TRAPPC9: variants seen among roughly 807,000 people sequenced by gnomAD.
TRAPPC9 encodes trafficking protein particle complex subunit 9.
A neutral mutation model predicts 124.0 loss-of-function variants in TRAPPC9; 83 were observed. The ratio of observed to expected loss-of-function variants is 0.67; its 90% CI spans 0.56 to 0.80. The LOEUF (loss-of-function observed/expected upper bound fraction) is 0.80, where lower values mean the gene tolerates loss of function less well. Ranked by LOEUF, TRAPPC9 falls within the 30% of genes least tolerant of loss-of-function variation. The pLI is 0.00. For synonymous variants in TRAPPC9, 638 were observed against 617.5 expected (o/e 1.03, Z -0.49); for missense variants, 1,302 against 1,508.3 (o/e 0.86, Z 2.27).
At chr8:140,061,296 C>T (rs929918023) in intron 17 of TRAPPC9, among the ~76,000 whole-genome samples, 1 of 49,568 alleles carries the variant, frequency 2.0e-5, no homozygotes, top group African/African-American at 4.0e-5. Flanking sequence ...CAAGGCTGCC[C>T]GGCAGCCTGT....
At chr8:140,102,076 G>A (rs1409082342) in intron 17 of TRAPPC9, among the ~76,000 whole-genome samples, 1 of 152,088 alleles carries the variant, frequency 6.6e-6, no homozygotes, top group Non-Finnish European at 1.5e-5. Context: ...ATGCTGTTTT[G>A]TTGGTTTGTA....
rs779559546 is a variant in TRAPPC9 at position 140,405,550 on chromosome 8, A to C, written c.1008+27T>G. ...TCTGATTAAACAACACAACTGTGTA[A>C]AAAAAATCACAAAGCCATAAAATCA... On this transcript the variant is annotated intron_variant, in intron 6 of 22. Transcript: ENST00000438773. 2.5e-6 allele frequency: 4 copies of C among 1,613,422 alleles called. No homozygotes were observed. In the African/African-American group the frequency reaches 5.3e-5, roughly 22 times the overall value.
chr8:139,922,609 C>T (rs557815287), intron 19 of TRAPPC9, among the ~76,000 whole-genome samples: 116 of 152,364 alleles, frequency 7.6e-4, no homozygotes, highest in African/African-American at 2.7e-3. Flanking sequence ...ACAGGCATGG[C>T]TGGCAGTGAG....
chr8:139,932,557 G>A (rs1465953317), intron 19 of TRAPPC9: 1 of 454,870 alleles, frequency 2.2e-6, no homozygotes, highest in Admixed American at 2.3e-5. Context: ...GAGCTCAGGA[G>A]TTCGAGACCA....
chr8:140,024,113 C>G, intron 17 of TRAPPC9, 34 bp from the exon 18 acceptor site: 2 of 1,608,276 alleles, frequency 1.2e-6, no homozygotes, highest in Non-Finnish European at 1.7e-6. Flanking sequence ...TACACACACA[C>G]ACATTAGTAA....
chr8:140,109,906 A>C lies in TRAPPC9; in HGVS notation c.2557-85827T>G, dbSNP rs145611770. Among the ~76,000 whole-genome samples the C allele has an allele frequency of 1.1e-4, 17 of 152,282 alleles. No individual in the cohort carries two copies. In the East Asian group the frequency reaches 3.1e-3, roughly 28 times the overall value. Reference sequence around the variant, plus strand: ...CAGAGGCTGGGGAGACTGGGCTTTGAAGCCTTGTAAAAATTAATTACACTT... The same window carrying C: ...CAGAGGCTGGGGAGACTGGGCTTTGCAGCCTTGTAAAAATTAATTACACTT... On this transcript the variant is annotated intron_variant, in intron 17 of 22. Coordinates refer to ENST00000438773, the MANE Select transcript of TRAPPC9 (RefSeq NM_001160372.4).
chr8:140,290,072 T>C (rs1433953586), intron 12 of TRAPPC9, among the ~76,000 whole-genome samples: 1 of 152,064 alleles, frequency 6.6e-6, no homozygotes, highest in African/African-American at 2.4e-5. Context: ...CCAGGCAGAC[T>C]CCCGTCCACA....
At chr8:139,845,248 A>G (rs1826997450) in intron 21 of TRAPPC9, among the ~76,000 whole-genome samples, 1 of 152,176 alleles carries the variant, frequency 6.6e-6, no homozygotes. Flanking sequence ...ATTGTAGGGT[A>G]TGGGGAGGGG....
At chr8:140,276,062 A>T (rs2065108720) in intron 14 of TRAPPC9, among the ~76,000 whole-genome samples, 1 of 152,138 alleles carries the variant, frequency 6.6e-6, no homozygotes, top group African/African-American at 2.4e-5. Flanking sequence ...AAACATGAAC[A>T]CCCTCACTCA....
chr8:140,044,588 G>C (rs1256186284), intron 17 of TRAPPC9, among the ~76,000 whole-genome samples: 1 of 152,220 alleles, frequency 6.6e-6, no homozygotes, highest in Non-Finnish European at 1.5e-5. Context: ...GTGCCCCCAG[G>C]GCACAGCACA....
At chr8:139,897,534 T>C (rs953676038) in intron 20 of TRAPPC9, among the ~76,000 whole-genome samples, 1 of 152,212 alleles carries the variant, frequency 6.6e-6, no homozygotes, top group African/African-American at 2.4e-5. Context: ...CACCGCCACA[T>C]GGTAGAGGCT....
intron 10 of TRAPPC9, among the ~76,000 whole-genome samples, chr8:140,310,781 G>C (rs756523949): frequency 2.6e-5 from 4 of 152,120 alleles, no homozygotes; most frequent in Non-Finnish European, 5.9e-5. Context: ...AGCCAGGAGA[G>C]GAGAGAGCCT....
In TRAPPC9 at chr8:140,226,894, TCC is replaced by T. The variant is rs1218171302; in HGVS notation, c.2432-5313_2432-5312del. Among the ~76,000 whole-genome samples, 4 of 151,624 alleles carry T rather than the reference TCC, an allele frequency of 2.6e-5. No individual in the cohort carries two copies. In the East Asian group the frequency reaches 5.8e-4, roughly 22 times the overall value. ...CTTAAAATTCCATCTGAAATTTGCC[TCC>T]TTTTTGGACACAGACCTCAAAATCT... On this transcript the variant is annotated intron_variant, in intron 16 of 22. Transcript: ENST00000438773.
At chr8:139,759,078 C>G (rs574094943) in intron 21 of TRAPPC9, among the ~76,000 whole-genome samples, 1 of 152,058 alleles carries the variant, frequency 6.6e-6, no homozygotes, top group Non-Finnish European at 1.5e-5. Context: ...GTGAGTGGGC[C>G]GGGTGCTGCT....
Position 139,963,330 on chromosome 8 carries a change from G to T in TRAPPC9, c.2810+25396C>A, listed in dbSNP as rs2665928. 2.4e-3 allele frequency among the ~76,000 whole-genome samples: 361 copies of T among 152,214 alleles called. 1 individual carries two copies. Among genetic ancestry groups the T allele is most frequent in the African/African-American group, 8.2e-3 (341 of 41,528 alleles). Reference sequence around the variant, plus strand: ...CTAAGCCCGGGCTACGGAAACAGCAGAGCAGATACTTCTAGGAAGGTTAGA... The same window carrying T: ...CTAAGCCCGGGCTACGGAAACAGCATAGCAGATACTTCTAGGAAGGTTAGA... On this transcript the variant is annotated intron_variant, in intron 19 of 22. Transcript: ENST00000438773.
chr8:140,328,276 A>G (rs189388824), intron 9 of TRAPPC9, among the ~76,000 whole-genome samples: 2 of 152,280 alleles, frequency 1.3e-5, no homozygotes, highest in African/African-American at 4.8e-5. Context: ...TAATTAATTA[A>G]TTAATTAATA....
At chr8:140,309,392 T>C (rs1040318370) in intron 10 of TRAPPC9, among the ~76,000 whole-genome samples, 2 of 152,150 alleles carry the variant, frequency 1.3e-5, no homozygotes, top group Admixed American at 1.3e-4. Flanking sequence ...CAAGTGAGAG[T>C]GAACCCAGGG....
Position 139,988,820 on chromosome 8 carries a change from G to C in TRAPPC9, c.2716C>G (p.Leu906Val). Residue 906 changes from leucine to valine, a missense_variant, in exon 19 of 23, where the codon CTG (leucine) becomes GTG (valine). This residue lies in a region of TRAPPC9 where 640 missense variants were observed against 679.3 expected (regional missense o/e 0.94). Coordinates refer to ENST00000438773, the MANE Select transcript of TRAPPC9 (RefSeq NM_001160372.4). ...GTGGAGTTGAAGACATCCAGGAGCA[G>C]GTGACACTGCCGGGTACTGCGTTAA... ...LPATSTRQCH[L>V]LLDVFNSTEH... 6.4e-7 allele frequency: 1 copy of C among 1,551,044 alleles called. No homozygotes were observed. The highest frequency in any genetic ancestry group is 8.7e-7 in the Non-Finnish European group (1 of 1,146,560).
chr8:140,435,043 A>G (rs2070763461), intron 4 of TRAPPC9, 69 bp downstream of exon 4: 2 of 1,610,808 alleles, frequency 1.2e-6, no homozygotes, highest in African/African-American at 1.3e-5. Flanking sequence ...CAAAGGAAAA[A>G]GTAACAAATG....
Sources: gnomAD v4.1 joint callset for allele counts (sites outside exome capture counted in the v4.1 genomes callset) on GRCh38, gnomAD v4.1.1 for gene constraint, gnomAD v4.1.1 regional missense constraint, MANE v1.5 for transcripts, NCBI Gene and HGNC (gene_info 2026-07-23, HGNC 2026-07-21) for gene names.